Variants in FSIP2 observed in about 807,000 individuals in gnomAD.
FSIP2 encodes fibrous sheath-interacting protein 2.
Under a neutral mutation model 510.5 loss-of-function variants are expected in FSIP2, and 367 were observed. The observed-to-expected ratio is 0.72, with a 90% CI of 0.66 to 0.78. The LOEUF (loss-of-function observed/expected upper bound fraction) is 0.78, where lower values mean the gene tolerates loss of function less well. FSIP2 is among the 30% of genes least tolerant of loss of function. FSIP2 has a pLI of 0.00. For missense variants in FSIP2, 7,594 were observed against 7,901.7 expected, an observed-to-expected ratio of 0.96 and a Z score of 1.48; for synonymous variants, 2,601 against 2,732.2, an observed-to-expected ratio of 0.95 and a Z score of 1.50.
At chr2:185,739,248 A>C in intron 1 of FSIP2, 98 bp from the exon 2 acceptor site, 1 of 1,315,420 alleles carries the variant, frequency 7.6e-7, no homozygotes, top group South Asian at 1.5e-5. Context: ...TGATTGTATA[A>C]TTCTTCGGAG....
Position 185,805,937 on chromosome 2 carries a change from C to G in FSIP2, c.16631C>G (p.Thr5544Ser). The change falls in exon 17 of 23, where the codon ACT becomes AGT. Residue 5544 changes from threonine (T) to serine (S), a missense_variant. Physicochemically the swap from Thr to Ser is moderately conservative, Grantham distance 58. Transcript: ENST00000424728. ...GTATCAAAAGTTACTTCAACTACCACTGTGAAAAGTAAAGATACTCAGGAG... is the reference window on the plus strand; with the variant it reads ...GTATCAAAAGTTACTTCAACTACCAGTGTGAAAAGTAAAGATACTCAGGAG... ...ENVSKVTSTT[T>S]VKSKDTQEPN... 6.3e-7 allele frequency: 1 copy of G among 1,587,166 alleles called. No individual in the cohort carries two copies. The highest frequency in any genetic ancestry group is 8.5e-7 in the Non-Finnish European group (1 of 1,171,660).
Position 185,789,447 on chromosome 2 carries a change from G to A in FSIP2, c.2311G>A (p.Glu771Lys). The A allele has an allele frequency of 6.5e-7, 1 of 1,534,648 alleles. No individual in the cohort carries two copies. Among genetic ancestry groups the A allele is most frequent in the Non-Finnish European group, 8.7e-7 (1 of 1,145,838 alleles). The change falls in exon 16 of 23, where the codon GAG (glutamate) becomes AAG (lysine). Residue 771 changes from glutamate (E) to lysine (K), a missense_variant. Physicochemically the swap from Glu to Lys is moderately conservative, Grantham distance 56. Transcript: ENST00000424728. ...NMLEKLESAV[E>K]KKCVEMFSQD... ...GCTTGAGAAGTTAGAGTCTGCAGTTGAGAAAAAATGTGTTGAGATGTTTTC... is the reference window on the plus strand; with the variant it reads ...GCTTGAGAAGTTAGAGTCTGCAGTTAAGAAAAAATGTGTTGAGATGTTTTC...
At position 185,807,930 on chromosome 2, in the gene FSIP2, T is replaced by C. The variant is rs1329759773; in HGVS notation, c.18624T>C (p.Asp6208=). The change falls in exon 17 of 23, where the codon GAT becomes GAC. Residue 6208 remains aspartate, a synonymous_variant. Coordinates refer to ENST00000424728, the MANE Select transcript of FSIP2 (RefSeq NM_173651.4). ...HKERTKSLET[D]MQKITSKVLN... ...AAAGAACAAAATCTCTAGAGACTGA[T>C]ATGCAAAAAATAACTTCAAAAGTAC... The C allele has an allele frequency of 1.9e-6, 3 of 1,604,378 alleles. No homozygotes were observed. Among genetic ancestry groups the C allele is most frequent in the Non-Finnish European group, 2.5e-6 (3 of 1,176,528 alleles).
chr2:185,738,992 A>T lies in FSIP2; in HGVS notation c.98A>T (p.Asp33Val). The T allele has an allele frequency of 6.5e-7, 1 of 1,531,896 alleles. No homozygotes were observed. The highest frequency in any genetic ancestry group is 8.7e-7 in the Non-Finnish European group (1 of 1,145,840). The allele number at this position is 1,531,896 out of a possible 1,614,324, so 94.9% of individuals were successfully genotyped here. ...VLAADTQQCR[D>V]GVHKTHFAGV... ...GCCGCGGACACCCAGCAGTGCAGAG[A>T]CGTGAGTGGCCGCAAGCTGGGCGGC... Residue 33 changes from aspartate to valine, a missense_variant and splice_region_variant, in exon 1 of 23, where the codon GAC becomes GTC. Physicochemically the swap from Asp to Val is radical, Grantham distance 152. Coordinates refer to ENST00000424728, the MANE Select transcript of FSIP2 (RefSeq NM_173651.4).
chr2:185,796,360 A>G lies in FSIP2; in HGVS notation c.9224A>G (p.His3075Arg). 3 of 1,534,092 alleles carry G rather than the reference A, an allele frequency of 2.0e-6. No individual in the cohort carries two copies. The highest frequency in any genetic ancestry group is 2.6e-6 in the Non-Finnish European group (3 of 1,145,430). Residue 3075 changes from histidine (H) to arginine (R), a missense_variant, in exon 16 of 23, where the codon CAT becomes CGT. Coordinates refer to ENST00000424728, the MANE Select transcript of FSIP2 (RefSeq NM_173651.4). ...ATCCTTCTACGGGTTCATTCATTCC[A>G]TTCACAATTACTTACATATGCTGTT... Reference protein sequence around the residue: ...QNILLRVHSFHSQLLTYAVNI... With the variant: ...QNILLRVHSFRSQLLTYAVNI...
chr2:185,764,811 T>C (rs935762997), intron 13 of FSIP2: 28 of 386,492 alleles, frequency 7.2e-5, no homozygotes, highest in Admixed American at 1.3e-4. Context: ...AGAGAATGCA[T>C]AGACCTATCT....
intron 8 of FSIP2, among the ~76,000 whole-genome samples, chr2:185,755,340 T>G (rs1559012426): frequency 1.3e-5 from 2 of 151,584 alleles, no homozygotes; most frequent in Non-Finnish European, 3.0e-5. Context: ...ATTGAGGCAA[T>G]GACAGCAATA....
At chr2:185,758,313 T>G (rs562112140) in intron 9 of FSIP2, among the ~76,000 whole-genome samples, 1 of 151,120 alleles carries the variant, frequency 6.6e-6, no homozygotes, top group South Asian at 2.1e-4. Context: ...CATCAAGGGG[T>G]GATAGTTGAA....
chr2:185,788,507 T>C (rs1444416672), intron 15 of FSIP2, 136 bp from the exon 16 acceptor site: 1 of 539,766 alleles, frequency 1.9e-6, no homozygotes, highest in Non-Finnish European at 3.1e-6. Context: ...GATATTTCTT[T>C]ACTATTTTCT....
Position 185,801,891 on chromosome 2 carries a change from G to A in FSIP2, c.12585G>A (p.Trp4195Ter). Residue 4195 changes from tryptophan (W) to a stop codon, truncating the protein, a stop_gained, in exon 17 of 23, where the codon TGG becomes TGA. Transcript: ENST00000424728. LOFTEE classifies it high-confidence loss of function. Reference sequence around the variant, plus strand: ...CAGCCATTTCAAAACATAAAATCTGGTTCACTATATATGATAATCAATATC... The same window carrying A: ...CAGCCATTTCAAAACATAAAATCTGATTCACTATATATGATAATCAATATC... ...VMSAISKHKI[W>*]FTIYDNQYLY... 1.3e-6 allele frequency: 2 copies of A among 1,493,878 alleles called. No individual in the cohort carries two copies. The highest frequency in any genetic ancestry group is 1.3e-5 in the South Asian group (1 of 79,706). The allele number at this position is 1,493,878 out of a possible 1,614,324, so 92.5% of individuals were successfully genotyped here.
At chr2:185,825,554 C>T (rs1693999499) in intron 20 of FSIP2, among the ~76,000 whole-genome samples, 1 of 151,790 alleles carries the variant, frequency 6.6e-6, no homozygotes, top group Non-Finnish European at 1.5e-5. Flanking sequence ...AATACTCCTG[C>T]ACATGTACCC....
rs1348192782 is a variant in FSIP2 at position 185,807,320 on chromosome 2, CAAT to C, written c.18019_18021del (p.Ile6007del). 1.9e-6 allele frequency: 3 copies of C among 1,612,388 alleles called. No homozygotes were observed. The highest frequency in any genetic ancestry group is 1.1e-5 in the South Asian group (1 of 90,854). The stretch of plus-strand genomic sequence containing the variant: ...GAATGTCAAACTTCATCACCATATA[CAAT>C]AATATTACCTCATAAATTTTTGGAG... On this transcript the variant is annotated inframe_deletion, in exon 17 of 23. Transcript: ENST00000424728.
chr2:185,792,037 C>A lies in FSIP2; in HGVS notation c.4901C>A (p.Ser1634Ter). Residue 1634 changes from serine to a stop codon, truncating the protein, a stop_gained, in exon 16 of 23, where the codon TCA becomes TAA. Transcript: ENST00000424728. LOFTEE classifies it high-confidence loss of function. ...TNISRDTHEA[S>*]FLSALYMHAK... ...ATTTCCAGAGACACACATGAAGCAT[C>A]ATTTCTGTCTGCTTTATATATGCAT... is the stretch of plus-strand genomic sequence containing the variant. 1.3e-6 allele frequency: 2 copies of A among 1,533,818 alleles called. No individual in the cohort carries two copies. The highest frequency in any genetic ancestry group is 1.7e-6 in the Non-Finnish European group (2 of 1,145,254).
At chr2:185,777,658 T>G (rs1206332815) in intron 13 of FSIP2, among the ~76,000 whole-genome samples, 3 of 152,154 alleles carry the variant, frequency 2.0e-5, no homozygotes, top group African/African-American at 7.2e-5. Context: ...CTGTTAAGGC[T>G]ATCATATTTT....
rs1693231272 is a variant in FSIP2 at position 185,794,892 on chromosome 2, G to A, written c.7756G>A (p.Glu2586Lys). The change falls in exon 16 of 23, where the codon GAA becomes AAA. Residue 2586 changes from glutamate to lysine, a missense_variant. Glu to Lys is a moderately conservative substitution (Grantham distance 56). Transcript: ENST00000424728. ...ACTAATGAAACCATTAAGGTTTAGA[G>A]AAACTAAACAAGCAGGAAAAATAAG... The part of the protein sequence containing the change: ...SLLMKPLRFR[E>K]TKQAGKISNS... 1 of 1,533,636 alleles carries A rather than the reference G, an allele frequency of 6.5e-7. No homozygotes were observed. The highest frequency in any genetic ancestry group is 1.4e-5 in the African/African-American group (1 of 72,834).
In FSIP2 at chr2:185,799,981, T is replaced by C. The variant is rs1209927637; in HGVS notation, c.10675T>C (p.Cys3559Arg). The C allele has an allele frequency of 7.9e-6, 12 of 1,522,542 alleles. No individual in the cohort carries two copies. Among genetic ancestry groups the C allele is most frequent in the Non-Finnish European group, 9.7e-6 (11 of 1,137,592 alleles). 94.3% of individuals were successfully genotyped at this position (1,522,542 alleles called of 1,614,324 possible). Residue 3559 changes from cysteine (C) to arginine (R), a missense_variant, in exon 17 of 23, where the codon TGT (cysteine) becomes CGT (arginine). By Grantham distance (180) the Cys-to-Arg change is radical (BLOSUM62 -3). Coordinates refer to ENST00000424728, the MANE Select transcript of FSIP2 (RefSeq NM_173651.4). ...RSISIGELALCISEIIIKILF... is the reference protein window; with the variant it reads ...RSISIGELALRISEIIIKILF... ...AATTTCCATTGGAGAACTTGCTTTA[T>C]GTATTTCTGAAATCATTATTAAAAT...
intron 14 of FSIP2, chr2:185,783,541 G>C (rs1265725568): frequency 1.3e-5 from 2 of 152,044 alleles, no homozygotes; most frequent in African/African-American, 4.8e-5. Flanking sequence ...TTCAGACAAG[G>C]CTTCCTGAAA....
At chr2:185,764,783 C>T (rs970017189) in intron 13 of FSIP2, 4 of 449,156 alleles carry the variant, frequency 8.9e-6, no homozygotes, top group Non-Finnish European at 1.6e-5. Flanking sequence ...TGTGTAAAAG[C>T]TGGGAAAGTT....
chr2:185,746,360 C>T (rs1692034096), intron 5 of FSIP2, among the ~76,000 whole-genome samples: 1 of 151,884 alleles, frequency 6.6e-6, no homozygotes, highest in South Asian at 2.1e-4. Context: ...TATTCTTAAA[C>T]CTACTGAGTT....
Sources: gnomAD v4.1 joint callset for allele counts (sites outside exome capture counted in the v4.1 genomes callset) on GRCh38, gnomAD v4.1.1 for gene constraint, MANE v1.5 for transcripts, NCBI Gene and HGNC (gene_info 2026-07-23, HGNC 2026-07-21) for gene names.